KIAA1217: variants seen among roughly 807,000 people sequenced by gnomAD.
The protein encoded by KIAA1217 is KIAA1217.
A neutral mutation model predicts 163.9 loss-of-function variants in KIAA1217; 88 were observed. That is an observed-to-expected ratio of 0.54 (90% CI 0.45 to 0.64). The LOEUF (loss-of-function observed/expected upper bound fraction) is 0.64. KIAA1217 is among the 30% of genes least tolerant of loss of function. KIAA1217 has a pLI of 0.00. For synonymous variants in KIAA1217, 903 were observed against 923.1 expected, an observed-to-expected ratio of 0.98 and a Z score of 0.39; for missense variants, 2,372 against 2,475.0, an observed-to-expected ratio of 0.96 and a Z score of 0.88.
intron 2 of KIAA1217, among the ~76,000 whole-genome samples, chr10:24,315,625 A>G (rs1478341578): frequency 1.3e-5 from 2 of 152,106 alleles, no homozygotes; most frequent in Admixed American, 6.6e-5. Flanking sequence ...CCACACCTGT[A>G]ATCCCAGCAC....
chr10:23,902,675 G>C (rs1203930037), intron 1 of KIAA1217, among the ~76,000 whole-genome samples: 1 of 152,084 alleles, frequency 6.6e-6, no homozygotes, highest in Non-Finnish European at 1.5e-5. Context: ...TTGCACAAGT[G>C]TTCATCCAAT....
At chr10:24,247,012 C>CAA (rs1367067531) in intron 2 of KIAA1217, among the ~76,000 whole-genome samples, 4 of 117,744 alleles carry the variant, frequency 3.4e-5, no homozygotes, top group African/African-American at 8.6e-5. Context: ...GGCTCTGTCT[C>CAA]AAAAAAAAAA....
intron 1 of KIAA1217, among the ~76,000 whole-genome samples, chr10:23,949,143 T>C (rs1184920304): frequency 6.6e-6 from 1 of 152,188 alleles, no homozygotes; most frequent in Non-Finnish European, 1.5e-5. Flanking sequence ...ATTCATATGA[T>C]CCTCCCATGA....
intron 2 of KIAA1217, among the ~76,000 whole-genome samples, chr10:24,374,943 C>A (rs550900244): frequency 6.6e-6 from 1 of 152,100 alleles, no homozygotes; most frequent in Non-Finnish European, 1.5e-5. Flanking sequence ...CAGCACCACA[C>A]CTGGCTAATT....
chr10:24,205,053 T>G (rs1335834916), upstream of KIAA1217, among the ~76,000 whole-genome samples: 1 of 152,184 alleles, frequency 6.6e-6, no homozygotes, highest in Non-Finnish European at 1.5e-5. Context: ...TGTCAAGTCA[T>G]TTTCAACTAT....
chr10:24,154,831 G>A (rs1028700445), intron 2 of KIAA1217, among the ~76,000 whole-genome samples: 6 of 151,664 alleles, frequency 4.0e-5, no homozygotes, highest in Non-Finnish European at 8.8e-5. Context: ...ACTCCTTGAG[G>A]AAGGAGAATT....
intron 2 of KIAA1217, among the ~76,000 whole-genome samples, chr10:24,304,897 C>A (rs2041834687): frequency 6.6e-6 from 1 of 152,040 alleles, no homozygotes; most frequent in South Asian, 2.1e-4. Flanking sequence ...AATGAAGGTA[C>A]TTATGGGCTA....
chr10:23,707,289 G>A (rs1032525318), intron 1 of KIAA1217, among the ~76,000 whole-genome samples: 3 of 152,156 alleles, frequency 2.0e-5, no homozygotes, highest in African/African-American at 7.2e-5. Flanking sequence ...TTAGGAAGAA[G>A]TGAAGGAAGG....
chr10:24,202,361 A>G (rs954503596), intron 2 of KIAA1217, among the ~76,000 whole-genome samples: 1 of 152,146 alleles, frequency 6.6e-6, no homozygotes, highest in Admixed American at 6.5e-5. Context: ...TTCCAAAGGT[A>G]GGGGGAGAGG....
intron 2 of KIAA1217, among the ~76,000 whole-genome samples, chr10:24,139,860 C>T (rs990573094): frequency 4.6e-5 from 7 of 152,112 alleles, no homozygotes; most frequent in South Asian, 2.1e-4. Flanking sequence ...GTTTTTATAC[C>T]TATGATAAAG....
intron 2 of KIAA1217, among the ~76,000 whole-genome samples, chr10:24,250,267 A>C (rs1306544641): frequency 6.6e-6 from 1 of 152,148 alleles, no homozygotes; most frequent in Non-Finnish European, 1.5e-5. Flanking sequence ...AGAGCCTTGG[A>C]ATTCAGCCTA....
chr10:24,497,650 G>A (rs1455179205), intron 8 of KIAA1217, among the ~76,000 whole-genome samples: 5 of 151,460 alleles, frequency 3.3e-5, no homozygotes, highest in Admixed American at 3.3e-4. Context: ...AGCCCGAGAG[G>A]TCAAGGCTGC....
intron 9 of KIAA1217, among the ~76,000 whole-genome samples, chr10:24,509,522 C>T (rs2068811773): frequency 6.6e-6 from 1 of 152,180 alleles, no homozygotes; most frequent in Non-Finnish European, 1.5e-5. Context: ...GTTGTATTTT[C>T]CAATATTTCT....
chr10:24,543,322 G>A lies in KIAA1217; in HGVS notation c.4052G>A (p.Arg1351Lys), dbSNP rs1245957966. Residue 1351 changes from arginine to lysine, a missense_variant, in exon 19 of 21, where the codon AGA becomes AAA. Arg to Lys is a conservative substitution (Grantham distance 26). This residue lies in a region of KIAA1217 where 251 missense variants were observed against 327.3 expected (regional missense o/e 0.77). Transcript: ENST00000376454. ...ITTDFGQVVL[R>K]PKEARHANVN... ...ACAGATTTTGGCCAAGTTGTTCTAA[G>A]ACCCAAGGAGGCAAGGCATGCTAAC... 2 of 1,614,116 alleles carry A rather than the reference G, an allele frequency of 1.2e-6. No homozygotes were observed. The highest frequency in any genetic ancestry group is 1.7e-6 in the Non-Finnish European group (2 of 1,180,006).
At chr10:23,956,541 T>C (rs1319031051) in intron 1 of KIAA1217, among the ~76,000 whole-genome samples, 2 of 152,166 alleles carry the variant, frequency 1.3e-5, no homozygotes, top group South Asian at 2.1e-4. Context: ...TACCAAATCC[T>C]GTTGACTCTA....
intron 1 of KIAA1217, among the ~76,000 whole-genome samples, chr10:23,762,590 A>G (rs971810616): frequency 2.0e-5 from 3 of 152,226 alleles, no homozygotes; most frequent in Non-Finnish European, 4.4e-5. Flanking sequence ...AAAACTCTCA[A>G]CAAAATAGGT....
intron 1 of KIAA1217, among the ~76,000 whole-genome samples, chr10:23,879,871 G>A (rs745546940): frequency 1.4e-4 from 22 of 151,910 alleles, no homozygotes; most frequent in Admixed American, 1.4e-3. Flanking sequence ...AATCCCCTTA[G>A]GTGAGGAAGA....
intron 8 of KIAA1217, among the ~76,000 whole-genome samples, chr10:24,497,860 A>C (rs546389599): frequency 6.6e-6 from 1 of 152,258 alleles, no homozygotes; most frequent in African/African-American, 2.4e-5. Flanking sequence ...GGGATAAAAA[A>C]AACTACGAAT....
rs114998294 is a variant in KIAA1217, at chr10:24,390,030, C to T, written c.553+8963C>T. On this transcript the variant is annotated intron_variant, in intron 3 of 20. Transcript: ENST00000376454. ...AGAGTTTAAGGAAGCTTCCTCTTTA[C>T]CAAACCAGGTCTATAGTCACCCAGT... 2.4e-3 allele frequency among the ~76,000 whole-genome samples: 362 copies of T among 152,252 alleles called. 3 individuals are homozygous for T. Among genetic ancestry groups the T allele is most frequent in the African/African-American group, 8.2e-3 (341 of 41,540 alleles).
Sources: allele counts gnomAD v4.1 joint callset (sites outside exome capture counted in the v4.1 genomes callset), GRCh38; gene constraint gnomAD v4.1.1; regional missense constraint gnomAD v4.1.1; transcripts MANE v1.5; gene names NCBI Gene and HGNC (gene_info 2026-07-23, HGNC 2026-07-21).